The following MAGI2 variants were observed in gnomAD, a reference collection of about 807,000 sequenced individuals.
MAGI2 encodes the protein membrane-associated guanylate kinase, WW and PDZ domain-containing protein 2.
MAGI2 carries 35 observed loss-of-function variants against 133.3 expected under a neutral mutation model. The ratio of observed to expected loss-of-function variants is 0.26; its 90% CI spans 0.20 to 0.35. The LOEUF (loss-of-function observed/expected upper bound fraction) is 0.35, where lower values mean the gene tolerates loss of function less well. MAGI2 is among the 10% of genes least tolerant of loss of function. MAGI2 has a pLI of 1.00. For synonymous variants in MAGI2, 729 were observed against 710.6 expected (o/e 1.03, Z -0.41); for missense variants, 1,636 against 1,863.4 (o/e 0.88, Z 2.25).
intron 2 of MAGI2, among the ~76,000 whole-genome samples, chr7:78,778,868 A>C (rs569232593): frequency 6.6e-6 from 1 of 152,014 alleles, no homozygotes; most frequent in Non-Finnish European, 1.5e-5. Context: ...TCTAGCATAT[A>C]ATAATTTCTC....
chr7:79,227,474 C>T (rs541466423), intron 1 of MAGI2, among the ~76,000 whole-genome samples: 3 of 152,270 alleles, frequency 2.0e-5, no homozygotes, highest in South Asian at 4.1e-4. Context: ...AAGAAATTTG[C>T]TATATAGTTA....
intron 14 of MAGI2, among the ~76,000 whole-genome samples, chr7:78,170,033 G>C (rs192792470): frequency 6.6e-6 from 1 of 152,334 alleles, no homozygotes; most frequent in African/African-American, 2.4e-5. Context: ...GAAAAGGTGC[G>C]TTTAGTTGGT....
At chr7:78,836,614 T>C (rs1791637577) in intron 2 of MAGI2, among the ~76,000 whole-genome samples, 1 of 152,226 alleles carries the variant, frequency 6.6e-6, no homozygotes, top group African/African-American at 2.4e-5. Context: ...TAACTTCTTT[T>C]GGAGAAATCA....
At chr7:78,687,499 ACTCAG>A (rs1816447455) in intron 2 of MAGI2, among the ~76,000 whole-genome samples, 1 of 152,200 alleles carries the variant, frequency 6.6e-6, no homozygotes, top group Non-Finnish European at 1.5e-5. Context: ...AGAGATAGAT[ACTCAG>A]CTCAGCAGAG....
chr7:79,352,362 C>A (rs1841749580), intron 1 of MAGI2, among the ~76,000 whole-genome samples: 1 of 152,184 alleles, frequency 6.6e-6, no homozygotes, highest in Non-Finnish European at 1.5e-5. Flanking sequence ...TGAAAACATT[C>A]TCTCTATTGG....
chr7:78,396,626 T>C (rs1796371596), intron 6 of MAGI2, among the ~76,000 whole-genome samples: 1 of 152,148 alleles, frequency 6.6e-6, no homozygotes. Flanking sequence ...CCATATAACA[T>C]TTTACTATTT....
intron 2 of MAGI2, among the ~76,000 whole-genome samples, chr7:78,675,191 G>C (rs1470942612): frequency 2.6e-5 from 4 of 152,026 alleles, no homozygotes; most frequent in Non-Finnish European, 5.9e-5. Flanking sequence ...TCCACTTCAA[G>C]GCTATAAAAA....
intron 20 of MAGI2, among the ~76,000 whole-genome samples, chr7:78,092,992 TG>T (rs749624593): frequency 1.3e-5 from 2 of 151,346 alleles, no homozygotes; most frequent in African/African-American, 4.9e-5. Context: ...AAAAATTAGC[TG>T]GGTGTGGTGG....
Position 78,256,319 on chromosome 7 carries a change from T to C in MAGI2, c.1671A>G (p.Ser557=). ...GCGGCCGATCTGTTATATCTGGAAC[T>C]GACTGTGAGGTCCGAGAAATGTACT... ...YLEYISRTSQ[S]VPDITDRPPH... is the part of the protein sequence containing the mutation. Residue 557 remains serine, a synonymous_variant, in exon 10 of 22, where the codon TCA becomes TCG. Transcript: ENST00000354212. The C allele has an allele frequency of 6.2e-7, 1 of 1,614,148 alleles. No homozygotes were observed. Among genetic ancestry groups the C allele is most frequent in the South Asian group, 1.1e-5 (1 of 91,086 alleles).
chr7:78,955,769 CTTTCT>C (rs1554310421), intron 2 of MAGI2, among the ~76,000 whole-genome samples: 2 of 116,770 alleles, frequency 1.7e-5, no homozygotes, highest in African/African-American at 6.6e-5. Context: ...TTCTTTCTTT[CTTTCT>C]TTCTTTCTTT....
At chr7:79,093,430 T>C (rs1817239454) in intron 1 of MAGI2, among the ~76,000 whole-genome samples, 1 of 152,186 alleles carries the variant, frequency 6.6e-6, no homozygotes, top group Non-Finnish European at 1.5e-5. Flanking sequence ...GTCACATAAC[T>C]TTTTTGTTTC....
At chr7:78,170,880 G>C (rs1226425515) in intron 14 of MAGI2, 1 of 151,962 alleles carries the variant, frequency 6.6e-6, no homozygotes, top group Non-Finnish European at 1.5e-5. Flanking sequence ...TCAAAAAAAG[G>C]TTGCCATACT....
intron 3 of MAGI2, among the ~76,000 whole-genome samples, chr7:78,601,898 T>C (rs1050734930): frequency 9.2e-5 from 14 of 152,186 alleles, no homozygotes; most frequent in African/African-American, 3.4e-4. Flanking sequence ...GGACACGTGG[T>C]ATAAATCTGC....
intron 21 of MAGI2, among the ~76,000 whole-genome samples, chr7:78,033,813 T>A (rs1809871987): frequency 6.6e-6 from 1 of 151,726 alleles, no homozygotes. Flanking sequence ...GAGGGGTGCA[T>A]GGGATGGTGG....
At chr7:79,273,023 G>A (rs952941122) in intron 1 of MAGI2, among the ~76,000 whole-genome samples, 6 of 151,976 alleles carry the variant, frequency 3.9e-5, no homozygotes, top group Admixed American at 3.3e-4. Flanking sequence ...ATTTCTGGAG[G>A]TTTTTGTGGT....
At chr7:78,267,763 A>G (rs929194435) in intron 9 of MAGI2, among the ~76,000 whole-genome samples, 1 of 152,188 alleles carries the variant, frequency 6.6e-6, no homozygotes, top group African/African-American at 2.4e-5. Flanking sequence ...CGTGTTAGAC[A>G]CTGCACACAG....
chr7:79,124,107 C>T (rs1232314396), intron 1 of MAGI2, among the ~76,000 whole-genome samples: 2 of 152,126 alleles, frequency 1.3e-5, no homozygotes, highest in African/African-American at 2.4e-5. Context: ...TTTGATTTAA[C>T]ACCTTCATTT....
In MAGI2 at chr7:79,419,581, T is replaced by C. The variant is rs139751363; in HGVS notation, c.301+33439A>G. Among the ~76,000 whole-genome samples the C allele has an allele frequency of 5.0e-3, 754 of 152,160 alleles. 4 individuals are homozygous for C. The highest frequency in any genetic ancestry group is 0.017 in the African/African-American group (724 of 41,544). ...GCTCAAATGACAACAGACATCTTTCTGGCATGTCCACAAATCAGCTTTGTT... is the reference window on the plus strand; with the variant it reads ...GCTCAAATGACAACAGACATCTTTCCGGCATGTCCACAAATCAGCTTTGTT... On this transcript the variant is annotated intron_variant, in intron 1 of 21. Transcript: ENST00000354212.
chr7:78,317,874 G>A (rs1230882268), intron 9 of MAGI2, among the ~76,000 whole-genome samples: 1 of 152,100 alleles, frequency 6.6e-6, no homozygotes, highest in African/African-American at 2.4e-5. Context: ...TGTAGCAGAG[G>A]GGCCTGACTG....
Sources: gnomAD v4.1 joint callset for allele counts (sites outside exome capture counted in the v4.1 genomes callset) on GRCh38, gnomAD v4.1.1 for gene constraint, MANE v1.5 for transcripts, NCBI Gene and HGNC (gene_info 2026-07-23, HGNC 2026-07-21) for gene names.